Variants in DPH6 observed in about 807,000 individuals in gnomAD.
The protein encoded by DPH6 is diphthamine biosynthesis 6.
Under a neutral mutation model 38.2 loss-of-function variants are expected in DPH6, and 33 were observed. That is an observed-to-expected ratio of 0.86 (90% CI 0.65 to 1.15). The LOEUF (loss-of-function observed/expected upper bound fraction) is 1.15, where lower values mean the gene tolerates loss of function less well. DPH6 is among the 50% of genes most tolerant of loss of function. The pLI, the probability that DPH6 is intolerant of heterozygous loss-of-function variation, is 0.00. For missense variants in DPH6, 325 were observed against 320.0 expected, an observed-to-expected ratio of 1.02 and a Z score of -0.12; for synonymous variants, 108 against 103.0, an observed-to-expected ratio of 1.05 and a Z score of -0.30.
chr15:35,480,701 C>T (rs762822965), intron 3 of DPH6, among the ~76,000 whole-genome samples: 6 of 151,666 alleles, frequency 4.0e-5, no homozygotes, highest in Non-Finnish European at 8.8e-5. Context: ...ATTAAATCAT[C>T]TTATAATTAA....
intron 3 of DPH6, among the ~76,000 whole-genome samples, chr15:35,256,886 A>C (rs2051711807): frequency 6.6e-6 from 1 of 152,192 alleles, no homozygotes; most frequent in Non-Finnish European, 1.5e-5. Context: ...GGGGTTTGTA[A>C]TGGTTTTGAC....
the DPH6 span, among the ~76,000 whole-genome samples, chr15:35,150,096 T>C: frequency 4.6e-5 from 7 of 152,352 alleles, no homozygotes; most frequent in East Asian, 1.3e-3. Context: ...CTTACGACTT[T>C]TTAATTTTAT....
the DPH6 span, among the ~76,000 whole-genome samples, chr15:35,188,491 T>A: frequency 6.6e-6 from 1 of 152,204 alleles, no homozygotes; most frequent in African/African-American, 2.4e-5. Context: ...GGTCAAACAG[T>A]ACACTTGATC....
intron 1 of DPH6, among the ~76,000 whole-genome samples, 194 bp downstream of exon 1, chr15:35,545,925 G>A (rs146519584): frequency 3.4e-4 from 52 of 152,304 alleles, no homozygotes; most frequent in African/African-American, 1.3e-3. Context: ...CAGGGAGGAG[G>A]CGCGCCAGCC....
chr15:35,435,846 C>T (rs1007112594), intron 5 of DPH6, among the ~76,000 whole-genome samples: 2 of 151,940 alleles, frequency 1.3e-5, no homozygotes, highest in African/African-American at 4.8e-5. Flanking sequence ...CCTTGGACTT[C>T]TTCTGAGGGT....
chr15:35,472,705 G>A (rs1311281365), intron 3 of DPH6, among the ~76,000 whole-genome samples: 1 of 151,952 alleles, frequency 6.6e-6, no homozygotes, highest in Non-Finnish European at 1.5e-5. Flanking sequence ...ATTAGCCAAG[G>A]TAAAATGTCT....
rs561808279 is a variant in DPH6, at chr15:35,238,128, C to G, written n.201-17546G>C. 86 of 1,182,804 alleles carry G rather than the reference C, an allele frequency of 7.3e-5. No homozygotes were observed. The African/African-American group carries it at 1.3e-3, about 17-fold the overall frequency. The allele number at this position is 1,182,804 out of a possible 1,614,324, so 73.3% of individuals were successfully genotyped here. ...ACTGTTTTTACCCATATCCCCTCCCCCGCTCCAATCCTGCCCCCTGAAACT... is the reference window on the plus strand; with the variant it reads ...ACTGTTTTTACCCATATCCCCTCCCGCGCTCCAATCCTGCCCCCTGAAACT... On this transcript the variant is annotated intron_variant and non_coding_transcript_variant, in intron 3 of 3. Transcript: ENST00000560386.
intron 3 of DPH6, among the ~76,000 whole-genome samples, chr15:35,347,426 G>A (rs7182393): frequency 0.37 from 54,970 of 150,292 alleles, 11,876 homozygotes; most frequent in African/African-American, 0.61. Flanking sequence ...TGCTGGAATT[G>A]TAAGTGTGAG....
the DPH6 span, among the ~76,000 whole-genome samples, chr15:35,200,352 AGTG>A: frequency 6.6e-6 from 1 of 152,112 alleles, no homozygotes. Context: ...TGTCTAGAGA[AGTG>A]GTCTACAAAT....
chr15:35,146,793 A>G, the DPH6 span, among the ~76,000 whole-genome samples: 1 of 152,146 alleles, frequency 6.6e-6, no homozygotes, highest in Non-Finnish European at 1.5e-5. Context: ...AGGCTTCTTT[A>G]TTTAAAATGG....
At chr15:35,463,119 T>C (rs1429029044) in intron 3 of DPH6, among the ~76,000 whole-genome samples, 1 of 152,134 alleles carries the variant, frequency 6.6e-6, no homozygotes, top group Non-Finnish European at 1.5e-5. Flanking sequence ...TAGATACTTT[T>C]TGTCAAACAG....
chr15:35,473,549 G>C (rs2054222918), intron 3 of DPH6, among the ~76,000 whole-genome samples: 1 of 151,944 alleles, frequency 6.6e-6, no homozygotes, highest in African/African-American at 2.4e-5. Context: ...TTTTCACAGA[G>C]CATTAAGGAG....
At chr15:35,319,543 C>T (rs2052221988) in intron 3 of DPH6, among the ~76,000 whole-genome samples, 1 of 152,046 alleles carries the variant, frequency 6.6e-6, no homozygotes, top group Non-Finnish European at 1.5e-5. Context: ...GAGTTCAAGA[C>T]CAGGCTGGCC....
the DPH6 span, among the ~76,000 whole-genome samples, chr15:35,202,277 A>G: frequency 6.6e-6 from 1 of 151,828 alleles, no homozygotes; most frequent in African/African-American, 2.4e-5. Context: ...TAGTAACTGT[A>G]TTAATTCACT....
chr15:35,514,585 A>G (rs1342666726), intron 3 of DPH6, among the ~76,000 whole-genome samples: 1 of 152,208 alleles, frequency 6.6e-6, no homozygotes, highest in Non-Finnish European at 1.5e-5. Flanking sequence ...ATTTAATTTT[A>G]GTTCTGAATC....
At chr15:35,191,033 C>T in the DPH6 span, among the ~76,000 whole-genome samples, 1 of 152,180 alleles carries the variant, frequency 6.6e-6, no homozygotes, top group Non-Finnish European at 1.5e-5. Context: ...TGCCAAATTG[C>T]CATACCTTTA....
intron 3 of DPH6, among the ~76,000 whole-genome samples, chr15:35,364,487 T>C (rs1478431689): frequency 1.3e-5 from 2 of 152,094 alleles, no homozygotes; most frequent in African/African-American, 2.4e-5. Context: ...AACTGAACTA[T>C]TAAATAAATT....
At chr15:35,472,139 G>A (rs2054206784) in intron 3 of DPH6, among the ~76,000 whole-genome samples, 1 of 151,978 alleles carries the variant, frequency 6.6e-6, no homozygotes, top group Admixed American at 6.6e-5. Flanking sequence ...TATAAGATTA[G>A]GACTTCAATG....
chr15:35,536,733 A>T (rs1450020802), intron 3 of DPH6, among the ~76,000 whole-genome samples: 2 of 152,072 alleles, frequency 1.3e-5, no homozygotes, highest in East Asian at 3.8e-4. Context: ...TAAAAACTTA[A>T]TGCCCAAATT....
Sources: gnomAD v4.1 joint callset for allele counts (sites outside exome capture counted in the v4.1 genomes callset) on GRCh38, gnomAD v4.1.1 for gene constraint, MANE v1.5 for transcripts, NCBI Gene and HGNC (gene_info 2026-07-23, HGNC 2026-07-21) for gene names.